The following USH2A variants were observed in gnomAD, a reference collection of about 807,000 sequenced individuals.
USH2A encodes usherin, also known as Usher syndrome 2A (autosomal recessive, mild).
USH2A carries 443 observed loss-of-function variants against 538.9 expected under a neutral mutation model. The observed-to-expected ratio is 0.82, with a 90% CI of 0.76 to 0.89. USH2A has a LOEUF of 0.89. Among genes scored for constraint, USH2A ranks in the 40% least tolerant of loss-of-function variants. The probability of loss-of-function intolerance (pLI) is 0.00; values close to 1 mark genes in which losing one functional copy is unlikely to be tolerated. For synonymous variants in USH2A, 2,413 were observed against 2,273.5 expected, an observed-to-expected ratio of 1.06 and a Z score of -1.75; for missense variants, 6,633 against 6,324.8, an observed-to-expected ratio of 1.05 and a Z score of -1.65.
At chr1:215,974,730 C>T (rs1480536067) in intron 35 of USH2A, among the ~76,000 whole-genome samples, 3 of 152,028 alleles carry the variant, frequency 2.0e-5, no homozygotes, top group Non-Finnish European at 4.4e-5. Flanking sequence ...TTTTTTCATT[C>T]AACCCACTGT....
intron 11 of USH2A, among the ~76,000 whole-genome samples, chr1:216,262,245 A>G (rs1013000491): frequency 6.6e-6 from 1 of 152,148 alleles, no homozygotes; most frequent in Non-Finnish European, 1.5e-5. Flanking sequence ...TCAAAATGCC[A>G]GAAAAGGAGT....
In USH2A at chr1:215,639,192, C is replaced by T; in HGVS notation, c.15015G>A (p.Lys5005=). Residue 5005 remains lysine (K), a synonymous_variant, in exon 69 of 72, where the codon AAG becomes AAA. Transcript: ENST00000307340. ...AGGTATCATATTGGATCAACGGCGT[C>T]TTAACACTTCCTTCGTCAGTCGTGC... ...VICTTDEGSV[K]TPLIQYDTST... 6.2e-7 allele frequency: 1 copy of T among 1,614,094 alleles called. No individual in the cohort carries two copies. Among genetic ancestry groups the T allele is most frequent in the Non-Finnish European group, 8.5e-7 (1 of 1,180,008 alleles).
At chr1:216,270,031 G>A (rs947329369) in intron 11 of USH2A, among the ~76,000 whole-genome samples, 1 of 152,122 alleles carries the variant, frequency 6.6e-6, no homozygotes. Context: ...AAGGAAATAT[G>A]AAGCATGATT....
At chr1:215,745,547 T>C (rs759037298) in intron 58 of USH2A, among the ~76,000 whole-genome samples, 2 of 152,190 alleles carry the variant, frequency 1.3e-5, no homozygotes, top group Non-Finnish European at 2.9e-5. Flanking sequence ...GCCTAGACTT[T>C]AGCACAAAGT....
In USH2A at chr1:215,674,689, C is replaced by G. The variant is rs111033500; in HGVS notation, c.13222G>C (p.Val4408Leu). Residue 4408 changes from valine (V) to leucine (L), a missense_variant, in exon 63 of 72, where the codon GTT (valine) becomes CTT (leucine). Transcript: ENST00000307340. The stretch of plus-strand genomic sequence containing the variant: ...TGAGAGTAAGGCTGCAGGTGGGAAA[C>G]CAGCAGGCACAGGCCCTGGCCAGCA... ...SLAGQGLCLL[V>L]SHLQPYSQYN... 3 of 1,614,112 alleles carry G rather than the reference C, an allele frequency of 1.9e-6. No individual in the cohort carries two copies. Among genetic ancestry groups the G allele is most frequent in the Non-Finnish European group, 2.5e-6 (3 of 1,180,022 alleles).
At chr1:215,779,743 G>C (rs1199902231) in intron 55 of USH2A, 100 bp downstream of exon 55, 2 of 1,412,312 alleles carry the variant, frequency 1.4e-6, no homozygotes, top group Non-Finnish European at 2.0e-6. Context: ...TCCTTTCGAA[G>C]TGACCTCATA....
intron 21 of USH2A, among the ~76,000 whole-genome samples, chr1:216,164,473 A>T (rs910057290): frequency 3.9e-5 from 6 of 152,138 alleles, no homozygotes; most frequent in African/African-American, 1.4e-4. Context: ...GGAGTAATTG[A>T]TCCATGAGAA....
chr1:215,978,549 A>G (rs1667675419), intron 35 of USH2A, among the ~76,000 whole-genome samples: 1 of 152,226 alleles, frequency 6.6e-6, no homozygotes, highest in Non-Finnish European at 1.5e-5. Flanking sequence ...TAAGAACAGA[A>G]TAAGAATAAT....
intron 9 of USH2A, 131 bp from the exon 10 acceptor site, chr1:216,292,501 G>T: frequency 2.0e-6 from 2 of 1,021,242 alleles, no homozygotes; most frequent in Non-Finnish European, 2.8e-6. Context: ...GATTTTATTT[G>T]AAAAATATTT....
intron 9 of USH2A, among the ~76,000 whole-genome samples, chr1:216,312,035 T>C (rs2037429923): frequency 6.6e-6 from 1 of 152,182 alleles, no homozygotes; most frequent in Admixed American, 6.5e-5. Context: ...TTCTGACCTG[T>C]ATCATTTTTT....
At chr1:216,122,515 A>G (rs1215163338) in intron 21 of USH2A, among the ~76,000 whole-genome samples, 2 of 152,216 alleles carry the variant, frequency 1.3e-5, no homozygotes, top group Non-Finnish European at 2.9e-5. Flanking sequence ...CAGCCTGGTA[A>G]CAGCCAGGCA....
intron 52 of USH2A, among the ~76,000 whole-genome samples, chr1:215,784,491 G>A (rs1661736222): frequency 8.8e-6 from 1 of 114,020 alleles, no homozygotes; most frequent in African/African-American, 4.5e-5. Flanking sequence ...ATATAGGGTT[G>A]AAATCTCAAT....
chr1:215,674,926 A>G lies in USH2A; in HGVS notation c.12985T>C (p.Tyr4329His), dbSNP rs752144522. 6.2e-7 allele frequency: 1 copy of G among 1,614,174 alleles called. No homozygotes were observed. Among genetic ancestry groups the G allele is most frequent in the Non-Finnish European group, 8.5e-7 (1 of 1,180,026 alleles). The change falls in exon 63 of 72, where the codon TAT (tyrosine) becomes CAT (histidine). Residue 4329 changes from tyrosine (Y) to histidine (H), a missense_variant. Coordinates refer to ENST00000307340, the MANE Select transcript of USH2A (RefSeq NM_206933.4). ...TDEELLPFSTYSYALQACTSG... is the reference protein window; with the variant it reads ...TDEELLPFSTHSYALQACTSG... The stretch of plus-strand genomic sequence containing the variant: ...GTGCAGGCTTGGAGTGCATAGCTAT[A>G]GGTGGAAAAAGGAAGAAGCTCTTCA...
At chr1:215,670,289 C>T (rs1291969926) in intron 64 of USH2A, among the ~76,000 whole-genome samples, 1 of 152,136 alleles carries the variant, frequency 6.6e-6, no homozygotes, top group African/African-American at 2.4e-5. Context: ...GATTGACACT[C>T]CCACCACGCC....
intron 17 of USH2A, among the ~76,000 whole-genome samples, chr1:216,198,869 A>G (rs1211500185): frequency 1.3e-5 from 2 of 152,204 alleles, no homozygotes; most frequent in Non-Finnish European, 2.9e-5. Context: ...TAGACAAAAA[A>G]TAACTACACT....
chr1:216,174,077 G>A, intron 21 of USH2A: 4 of 985,100 alleles, frequency 4.1e-6, no homozygotes, highest in Non-Finnish European at 4.8e-6. Context: ...ATATATCTCA[G>A]TTAGAATATA....
chr1:216,027,275 C>T (rs771657890), intron 32 of USH2A, among the ~76,000 whole-genome samples: 15 of 152,028 alleles, frequency 9.9e-5, no homozygotes, highest in Non-Finnish European at 2.1e-4. Context: ...TGTGCGTGTA[C>T]AAAGAAAAGA....
chr1:215,855,924 A>G (rs1007394231), intron 44 of USH2A, among the ~76,000 whole-genome samples: 4 of 152,222 alleles, frequency 2.6e-5, no homozygotes, highest in African/African-American at 9.6e-5. Context: ...AAACAAAAAC[A>G]TAAAGTGGGT....
In USH2A at chr1:215,995,161, AAC is replaced by A. The variant is rs537255745; in HGVS notation, c.6658-1996_6658-1995del. 3.0e-3 allele frequency among the ~76,000 whole-genome samples: 452 copies of A among 152,318 alleles called. 4 individuals carry two copies. Among genetic ancestry groups the A allele is most frequent in the African/African-American group, 9.4e-3 (392 of 41,582 alleles). ...ACAACATATAAGTATATATTTTTAA[AAC>A]ACAGTGTGAATTAAAATTTACTTTG... On this transcript the variant is annotated intron_variant, in intron 34 of 71. Coordinates refer to ENST00000307340, the MANE Select transcript of USH2A (RefSeq NM_206933.4).
Sources: allele counts gnomAD v4.1 joint callset (sites outside exome capture counted in the v4.1 genomes callset), GRCh38; gene constraint gnomAD v4.1.1; transcripts MANE v1.5; gene names NCBI Gene and HGNC (gene_info 2026-07-23, HGNC 2026-07-21).